Variants in ADAMTSL1 observed in about 807,000 individuals in gnomAD.
ADAMTSL1 encodes ADAMTS like 1, also known as ADAMTS-like protein 1.
A neutral mutation model predicts 201.8 loss-of-function variants in ADAMTSL1; 126 were observed. The ratio of observed to expected loss-of-function variants is 0.62; its 90% confidence interval spans 0.54 to 0.72. The LOEUF (loss-of-function observed/expected upper bound fraction) is 0.72, where lower values mean the gene tolerates loss of function less well. Ranked by LOEUF, ADAMTSL1 falls within the 30% of genes least tolerant of loss-of-function variation. The pLI is 0.00. For missense variants in ADAMTSL1, 2,679 were observed against 2,277.8 expected (o/e 1.18, Z -3.59); for synonymous variants, 1,121 against 903.4 (o/e 1.24, Z -4.32).
intron 19 of ADAMTSL1, among the ~76,000 whole-genome samples, chr9:18,788,441 C>T (rs1275316523): frequency 2.6e-5 from 4 of 151,224 alleles, no homozygotes; most frequent in Non-Finnish European, 2.9e-5. Context: ...AACTAGGCCC[C>T]GGTAGATTCC....
chr9:17,970,309 A>G lies in ADAMTSL1; in HGVS notation c.87+63387A>G, dbSNP rs1222733517. On this transcript the variant is annotated intron_variant, in intron 1 of 29. Coordinates refer to the ADAMTSL1 transcript ENST00000680146. Reference sequence around the variant, plus strand: ...AAACTACCCCCTCCTATCTACCCCAACTGCCCTGTTAGCTCTTACTCAGAA... The same window carrying G: ...AAACTACCCCCTCCTATCTACCCCAGCTGCCCTGTTAGCTCTTACTCAGAA... Among the ~76,000 whole-genome samples, 3 of 151,876 alleles carry G rather than the reference A, an allele frequency of 2.0e-5. No individual in the cohort carries two copies. The East Asian group carries it at 5.8e-4, about 29-fold the overall frequency.
intron 2 of ADAMTSL1, among the ~76,000 whole-genome samples, chr9:18,309,419 A>G (rs1375290440): frequency 6.6e-6 from 1 of 152,186 alleles, no homozygotes; most frequent in African/African-American, 2.4e-5. Context: ...AGATGACATG[A>G]TTGTATATTT....
chr9:18,706,303 A>G (rs1390145181), intron 13 of ADAMTSL1, among the ~76,000 whole-genome samples: 1 of 152,212 alleles, frequency 6.6e-6, no homozygotes, highest in Non-Finnish European at 1.5e-5. Flanking sequence ...ATAATGAACA[A>G]TAAGGACAAC....
At chr9:18,623,722 T>G (rs1826178978) in intron 5 of ADAMTSL1, among the ~76,000 whole-genome samples, 1 of 152,230 alleles carries the variant, frequency 6.6e-6, no homozygotes, top group East Asian at 1.9e-4. Flanking sequence ...AGCCCTTGTA[T>G]TAAGGACATG....
intron 26 of ADAMTSL1, among the ~76,000 whole-genome samples, chr9:18,896,546 T>A (rs1047859553): frequency 6.6e-6 from 1 of 152,086 alleles, no homozygotes; most frequent in Non-Finnish European, 1.5e-5. Context: ...GTTCTCTCAT[T>A]GGGACTGACT....
At chr9:17,968,007 G>A (rs766305197) in intron 1 of ADAMTSL1, among the ~76,000 whole-genome samples, 25 of 152,194 alleles carry the variant, frequency 1.6e-4, no homozygotes, top group Non-Finnish European at 2.8e-4. Flanking sequence ...CAGAGAGCAC[G>A]TTGCTATGCA....
rs1196098587 is a variant in ADAMTSL1 at position 18,580,955 on chromosome 9, A to G, written c.474+6689A>G. 3.4e-5 allele frequency among the ~76,000 whole-genome samples: 5 copies of G among 146,798 alleles called. No individual in the cohort carries two copies. In the East Asian group the frequency reaches 7.9e-4, roughly 23 times the overall value. ...TTTATCATCTGCTTGAATCATTTCAATTGCATTTTTTTTTTGCCTTCAGGT... is the reference window on the plus strand; with the variant it reads ...TTTATCATCTGCTTGAATCATTTCAGTTGCATTTTTTTTTTGCCTTCAGGT... On this transcript the variant is annotated intron_variant, in intron 4 of 28. Coordinates refer to ENST00000380548, the MANE Select transcript of ADAMTSL1 (RefSeq NM_001040272.6).
rs1830286109 is a variant in ADAMTSL1 at position 18,905,957 on chromosome 9, G to C, written c.4961+66G>C. The C allele has an allele frequency of 2.2e-6, 3 of 1,368,906 alleles. No homozygotes were observed. The South Asian group carries it at 3.8e-5, about 17-fold the overall frequency. 84.8% of individuals were successfully genotyped at this position (1,368,906 alleles called of 1,614,324 possible). On this transcript the variant is annotated intron_variant, in intron 27 of 28. Coordinates refer to ENST00000380548, the MANE Select transcript of ADAMTSL1 (RefSeq NM_001040272.6). ...CAACAGCACGGAAAGATGGTGCTGA[G>C]TGAATGTTTCTCCTCCAACTAACTT...
At chr9:18,048,370 A>G (rs192864276) in intron 1 of ADAMTSL1, among the ~76,000 whole-genome samples, 4 of 152,328 alleles carry the variant, frequency 2.6e-5, no homozygotes, top group South Asian at 2.1e-4. Context: ...GGTTTTATGC[A>G]CATTGTCACT....
intron 1 of ADAMTSL1, among the ~76,000 whole-genome samples, chr9:17,947,069 A>C (rs1337103266): frequency 3.3e-5 from 5 of 152,018 alleles, no homozygotes; most frequent in African/African-American, 7.2e-5. Context: ...GTAAAAGCAT[A>C]TCAGCTTTGC....
chr9:18,257,178 C>A (rs1437968545), intron 2 of ADAMTSL1, among the ~76,000 whole-genome samples: 1 of 152,086 alleles, frequency 6.6e-6, no homozygotes, highest in African/African-American at 2.4e-5. Flanking sequence ...CATCACAACA[C>A]AATTCTTTAA....
intron 2 of ADAMTSL1, among the ~76,000 whole-genome samples, chr9:18,189,574 ATAAAACT>A (rs993643099): frequency 5.9e-5 from 9 of 152,166 alleles, no homozygotes; most frequent in African/African-American, 9.6e-5. Flanking sequence ...AAATAAATAA[ATAAAACT>A]TAAAAGTTAC....
chr9:17,983,072 C>CTTTTTTTTT (rs199805015), intron 1 of ADAMTSL1, among the ~76,000 whole-genome samples: 35 of 100,308 alleles, frequency 3.5e-4, no homozygotes, highest in South Asian at 2.2e-3. Context: ...TTCTTTCTTT[C>CTTTTTTTTT]TTTCTTTTTT....
intron 1 of ADAMTSL1, among the ~76,000 whole-genome samples, chr9:17,944,572 A>T (rs1030833625): frequency 9.4e-5 from 14 of 149,218 alleles, no homozygotes; most frequent in Non-Finnish European, 1.3e-4. Flanking sequence ...CTATACTACA[A>T]GGCTACAGTA....
At chr9:18,742,553 A>T (rs956507918) in intron 15 of ADAMTSL1, among the ~76,000 whole-genome samples, 2 of 152,198 alleles carry the variant, frequency 1.3e-5, no homozygotes, top group African/African-American at 4.8e-5. Flanking sequence ...GGTACAGTTG[A>T]TGTGAGCTGG....
At chr9:18,310,760 C>T (rs143471591) in intron 2 of ADAMTSL1, among the ~76,000 whole-genome samples, 10,433 of 151,990 alleles carry the variant, frequency 0.069, 1,166 homozygotes, top group African/African-American at 0.24. Flanking sequence ...TTGGTGGGAG[C>T]GTAAATTAGT....
chr9:18,551,719 G>A (rs539256876), intron 3 of ADAMTSL1, among the ~76,000 whole-genome samples: 9 of 151,836 alleles, frequency 5.9e-5, no homozygotes, highest in African/African-American at 1.9e-4. Context: ...ACATAGGGTC[G>A]TCGTGAGGAT....
intron 25 of ADAMTSL1, chr9:18,890,726 C>A: frequency 2.8e-6 from 1 of 363,484 alleles, no homozygotes; most frequent in Non-Finnish European, 5.5e-6. Context: ...CTCAAACCCC[C>A]CCCACCCCAG....
chr9:18,627,979 TA>T (rs558118851), intron 5 of ADAMTSL1, among the ~76,000 whole-genome samples: 11 of 152,318 alleles, frequency 7.2e-5, no homozygotes, highest in Middle Eastern at 3.4e-3. Context: ...GGGAGTTCTT[TA>T]TATATACTAG....
Sources: allele counts gnomAD v4.1 joint callset (sites outside exome capture counted in the v4.1 genomes callset), GRCh38; gene constraint gnomAD v4.1.1; transcripts MANE v1.5; gene names NCBI Gene and HGNC (gene_info 2026-07-23, HGNC 2026-07-21).